CDK8: variants seen among roughly 807,000 people sequenced by gnomAD.
CDK8 encodes the protein cyclin dependent kinase 8, also known as cyclin-dependent kinase 8.
A neutral mutation model predicts 71.5 loss-of-function variants in CDK8; 29 were observed. The ratio of observed to expected loss-of-function variants is 0.41; its 90% CI spans 0.30 to 0.55. The LOEUF (loss-of-function observed/expected upper bound fraction) is 0.55. CDK8 is among the 20% of genes least tolerant of loss of function. The pLI is 0.37. For missense variants in CDK8, 288 were observed against 572.6 expected (o/e 0.50, Z 5.07); for synonymous variants, 161 against 192.1 (o/e 0.84, Z 1.34).
At chr13:26,336,154 C>G (rs12866990) in intron 1 of CDK8, among the ~76,000 whole-genome samples, 1 of 152,004 alleles carries the variant, frequency 6.6e-6, no homozygotes, top group South Asian at 2.1e-4. Context: ...TACACACATA[C>G]ACACACACAA....
Position 26,337,003 on chromosome 13 carries a change from G to A in CDK8, c.129-564G>A, listed in dbSNP as rs190804616. On this transcript the variant is annotated intron_variant, in intron 1 of 12. Transcript: ENST00000381527. Reference sequence around the variant, plus strand: ...AGACACAGAAAACTCTCTAAAAGAAGGAACTTGTTGTATCCTCAGTACCTA... The same window carrying A: ...AGACACAGAAAACTCTCTAAAAGAAAGAACTTGTTGTATCCTCAGTACCTA... 3.6e-3 allele frequency among the ~76,000 whole-genome samples: 534 copies of A among 149,898 alleles called. 5 individuals carry two copies. The Middle Eastern group carries it at 0.048, about 13-fold the overall frequency.
At chr13:26,319,943 CAAGGATGCT>C (rs954227271) in intron 1 of CDK8, among the ~76,000 whole-genome samples, 3 of 152,012 alleles carry the variant, frequency 2.0e-5, no homozygotes, top group African/African-American at 7.3e-5. Context: ...GATTTTTTTA[CAAGGATGCT>C]AAGGCCATTT....
chr13:26,349,322 C>G, intron 3 of CDK8, 140 bp downstream of exon 3: 1 of 602,252 alleles, frequency 1.7e-6, no homozygotes, highest in African/African-American at 1.9e-5. Flanking sequence ...GGTGGCATGA[C>G]GAAGGCTAGA....
At chr13:26,324,162 T>A (rs1014246615) in intron 1 of CDK8, among the ~76,000 whole-genome samples, 2 of 152,106 alleles carry the variant, frequency 1.3e-5, no homozygotes, top group African/African-American at 4.8e-5. Context: ...AATAGAAAAG[T>A]TTGTGGTCAG....
At position 26,254,316 on chromosome 13, in the gene CDK8, G is replaced by A. The variant is rs1871411821; in HGVS notation, c.-326G>A. On this transcript the variant is annotated 5_prime_UTR_variant, in exon 1 of 13. Coordinates refer to ENST00000381527, the MANE Select transcript of CDK8 (RefSeq NM_001260.3). This position sits in a 1 kb window ranked among gnomAD's most constrained non-coding sequence, Gnocchi z 6.7. ...AGCAGAACGCGCGGCCGGAGAGAGC[G>A]GCGGAGCCGGCGCCCAGGGAGCCCG... The A allele has an allele frequency of 3.6e-6, 1 of 277,410 alleles. No homozygotes were observed. Among genetic ancestry groups the A allele is most frequent in the South Asian group, 6.6e-5 (1 of 15,082 alleles). The allele number at this position is 277,410 out of a possible 1,614,324, so 17.2% of individuals were successfully genotyped here.
chr13:26,309,393 C>T (rs1408807765), intron 1 of CDK8, among the ~76,000 whole-genome samples: 1 of 152,152 alleles, frequency 6.6e-6, no homozygotes, highest in Admixed American at 6.5e-5. Flanking sequence ...CCTGCCTCGG[C>T]CTCCCAAAGT....
chr13:26,349,042 AAT>A, intron 2 of CDK8, 28 bp from the exon 3 acceptor site: 1 of 1,245,244 alleles, frequency 8.0e-7, no homozygotes, highest in Non-Finnish European at 1.2e-6. Flanking sequence ...TTGTGACAGA[AAT>A]AGTTAATGCA....
chr13:26,352,855 A>G (rs1159484751), intron 3 of CDK8, among the ~76,000 whole-genome samples: 1 of 152,176 alleles, frequency 6.6e-6, no homozygotes, highest in Non-Finnish European at 1.5e-5. Context: ...TGAAAATGTT[A>G]ACTTATAATG....
At chr13:26,292,289 G>A (rs1471230645) in intron 1 of CDK8, among the ~76,000 whole-genome samples, 1 of 152,174 alleles carries the variant, frequency 6.6e-6, no homozygotes, top group South Asian at 2.1e-4. Context: ...CTCAGAGTGC[G>A]ATTCCCAGAA....
At chr13:26,359,820 A>AGCTG in intron 4 of CDK8, 4 of 297,620 alleles carry the variant, frequency 1.3e-5, no homozygotes, top group South Asian at 2.6e-5. Context: ...GGTTCAAGTG[A>AGCTG]TTCTCCTGCC....
chr13:26,401,517 C>T lies in CDK8; in HGVS notation c.1162C>T (p.Pro388Ser). The change falls in exon 12 of 13, where the codon CCA becomes TCA. Residue 388 changes from proline to serine, a missense_variant. Physicochemically the swap from Pro to Ser is moderately conservative, Grantham distance 74. Coordinates refer to ENST00000381527, the MANE Select transcript of CDK8 (RefSeq NM_001260.3). The surrounding 1 kb of genome is among the most constrained non-coding windows in gnomAD (Gnocchi z 4.5). ...TAACCACACTAATGGAACTGGCCAC[C>T]CAGGGAATCAAGACAGCAGTCACAC... is the stretch of plus-strand genomic sequence containing the variant. ...GNNHTNGTGHPGNQDSSHTQG... is the reference protein window; with the variant it reads ...GNNHTNGTGHSGNQDSSHTQG... 6.2e-7 allele frequency: 1 copy of T among 1,614,112 alleles called. No homozygotes were observed. Among genetic ancestry groups the T allele is most frequent in the Non-Finnish European group, 8.5e-7 (1 of 1,180,002 alleles).
chr13:26,268,392 TG>T (rs370808573), intron 1 of CDK8, among the ~76,000 whole-genome samples: 4 of 152,072 alleles, frequency 2.6e-5, no homozygotes, highest in South Asian at 2.1e-4. Context: ...CATGGCTCAC[TG>T]CAGCCTTGAA....
At chr13:26,315,153 CAA>C (rs1328335194) in intron 1 of CDK8, among the ~76,000 whole-genome samples, 3 of 152,136 alleles carry the variant, frequency 2.0e-5, no homozygotes, top group Admixed American at 6.5e-5. Flanking sequence ...TGAAAGCACT[CAA>C]AGTGTATAAT....
Position 26,385,215 on chromosome 13 carries a change from C to A in CDK8, c.519C>A (p.Asp173Glu). 1 of 1,600,266 alleles carries A rather than the reference C, an allele frequency of 6.2e-7. No individual in the cohort carries two copies. The highest frequency in any genetic ancestry group is 1.3e-5 in the African/African-American group (1 of 74,092). ...TTTTTTTTTATTATTTTACAGCTGA[C>A]ATGGGCTTTGCCCGATTATTTAATT... ...GPERGRVKIA[D>E]MGFARLFNSP... is the part of the protein sequence containing the mutation. The change falls in exon 6 of 13, where the codon GAC becomes GAA. Residue 173 changes from aspartate to glutamate, a missense_variant. This residue lies in a region of CDK8 where 95 missense variants were observed against 177.3 expected (regional missense o/e 0.54). Transcript: ENST00000381527.
chr13:26,338,642 T>C (rs372035018), intron 2 of CDK8, among the ~76,000 whole-genome samples: 1 of 152,114 alleles, frequency 6.6e-6, no homozygotes, highest in African/African-American at 2.4e-5. Context: ...AGGTAGACCA[T>C]GCTGAAAGAT....
intron 9 of CDK8, 84 bp downstream of exon 9, chr13:26,397,309 G>A: frequency 1.2e-6 from 1 of 800,318 alleles, no homozygotes; most frequent in Non-Finnish European, 2.1e-6. Flanking sequence ...ATCAATTTAT[G>A]TGGTTACTTA....
intron 1 of CDK8, among the ~76,000 whole-genome samples, chr13:26,287,680 C>T (rs1055589973): frequency 4.6e-5 from 7 of 152,092 alleles, no homozygotes; most frequent in African/African-American, 7.2e-5. Flanking sequence ...AGAACTTTTC[C>T]ATGCAACCAC....
intron 6 of CDK8, among the ~76,000 whole-genome samples, chr13:26,391,235 T>C (rs1004314711): frequency 2.6e-5 from 4 of 152,084 alleles, no homozygotes; most frequent in Non-Finnish European, 5.9e-5. Flanking sequence ...TTATTTTTCC[T>C]GTTGACTGGA....
At chr13:26,349,615 T>C (rs1873603525) in intron 3 of CDK8, among the ~76,000 whole-genome samples, 1 of 152,238 alleles carries the variant, frequency 6.6e-6, no homozygotes, top group African/African-American at 2.4e-5. Context: ...CTAATAGTTC[T>C]ACCATTATTT....
Sources: gnomAD v4.1 joint callset for allele counts (sites outside exome capture counted in the v4.1 genomes callset) on GRCh38, gnomAD v4.1.1 for gene constraint, gnomAD v4.1.1 regional missense constraint, Gnocchi (gnomAD v3.1) non-coding constraint, MANE v1.5 for transcripts, NCBI Gene and HGNC (gene_info 2026-07-23, HGNC 2026-07-21) for gene names.